Variants in ITGA11 observed in about 807,000 individuals in gnomAD.
The protein encoded by ITGA11 is integrin alpha-11.
Under a neutral mutation model 141.9 loss-of-function variants are expected in ITGA11, and 97 were observed. That is an observed-to-expected ratio of 0.68 (90% confidence interval 0.58 to 0.81). The LOEUF (loss-of-function observed/expected upper bound fraction) is 0.81. Among genes scored for constraint, ITGA11 ranks in the 30% least tolerant of loss-of-function variants. The pLI is 0.00. For synonymous variants in ITGA11, 658 were observed against 624.6 expected (o/e 1.05, Z -0.80); for missense variants, 1,387 against 1,559.2 (o/e 0.89, Z 1.86).
chr15:68,374,756 G>T (rs1423553941), intron 2 of ITGA11, among the ~76,000 whole-genome samples: 1 of 152,242 alleles, frequency 6.6e-6, no homozygotes, highest in African/African-American at 2.4e-5. Flanking sequence ...CCAGAGGCTG[G>T]CATGGACTGC....
chr15:68,367,775 C>T (rs1374317104), intron 3 of ITGA11, among the ~76,000 whole-genome samples: 1 of 152,162 alleles, frequency 6.6e-6, no homozygotes, highest in Admixed American at 6.5e-5. Flanking sequence ...TCGAGTCCAG[C>T]CTCCTTGCTT....
chr15:68,375,208 G>T (rs755865404), intron 2 of ITGA11, among the ~76,000 whole-genome samples: 3 of 152,068 alleles, frequency 2.0e-5, no homozygotes, highest in Non-Finnish European at 2.9e-5. Context: ...CACAGCCCCC[G>T]CTCCCTTAAA....
intron 24 of ITGA11, among the ~76,000 whole-genome samples, chr15:68,311,657 G>T (rs569309922): frequency 6.6e-6 from 1 of 152,304 alleles, no homozygotes; most frequent in Non-Finnish European, 1.5e-5. Context: ...AGTCAGTGGG[G>T]ATCCTGAGGC....
At chr15:68,311,711 G>T (rs1026340296) in intron 24 of ITGA11, among the ~76,000 whole-genome samples, 2 of 152,188 alleles carry the variant, frequency 1.3e-5, no homozygotes, top group African/African-American at 4.8e-5. Flanking sequence ...TCTTGCCTGG[G>T]GTGGGGATTT....
Position 68,385,024 on chromosome 15 carries a change from G to A in ITGA11, c.165-15740C>T, listed in dbSNP as rs757137439. On this transcript the variant is annotated intron_variant, in intron 2 of 29. Coordinates refer to ENST00000315757, the MANE Select transcript of ITGA11 (RefSeq NM_001004439.2). ...TTCTCCAGGGCATAGGCCAGTGTAG[G>A]GAACTCACTCATTCAGCCTCTGCCC... is the stretch of plus-strand genomic sequence containing the variant. Among the ~76,000 whole-genome samples, 71 of 152,334 alleles carry A rather than the reference G, an allele frequency of 4.7e-4. 1 individual carries two copies. The highest frequency in any genetic ancestry group is 6.8e-3 in the Middle Eastern group (2 of 294).
chr15:68,350,750 A>T lies in ITGA11; in HGVS notation c.927T>A (p.Asn309Lys), dbSNP rs751979854. 24 of 1,613,808 alleles carry T rather than the reference A, an allele frequency of 1.5e-5. No homozygotes were observed. The highest frequency in any genetic ancestry group is 2.0e-5 in the Non-Finnish European group (24 of 1,179,818). ...TGATTTCATTTAGAAAAGTTTCTGGATTGATCCCCCTGCGGTTGTAGTAGC... is the reference window on the plus strand; with the variant it reads ...TGATTTCATTTAGAAAAGTTTCTGGTTTGATCCCCCTGCGGTTGTAGTAGC... ...VLGYYNRRGI[N>K]PETFLNEIKY... Residue 309 changes from asparagine to lysine, a missense_variant, in exon 9 of 30, where the codon AAT becomes AAA. Physicochemically the swap from Asn to Lys is moderately conservative, Grantham distance 94. Transcript: ENST00000315757.
chr15:68,362,005 A>G (rs759582931), intron 4 of ITGA11: 4 of 271,418 alleles, frequency 1.5e-5, no homozygotes, highest in South Asian at 8.3e-5. Context: ...CTACCTGCCC[A>G]CCCCACTCAC....
chr15:68,316,769 G>T (rs1181985973), intron 21 of ITGA11, among the ~76,000 whole-genome samples: 1 of 152,192 alleles, frequency 6.6e-6, no homozygotes, highest in Non-Finnish European at 1.5e-5. Context: ...GCTGCCTGCT[G>T]CCCAGGGCTG....
chr15:68,350,813 C>T, intron 8 of ITGA11, 31 bp from the exon 9 acceptor site: 1 of 1,596,296 alleles, frequency 6.3e-7, no homozygotes, highest in Non-Finnish European at 8.5e-7. Flanking sequence ...GAACCACAAA[C>T]CAGAACATAG....
intron 1 of ITGA11, among the ~76,000 whole-genome samples, chr15:68,411,270 T>C (rs2140424223): frequency 6.6e-6 from 1 of 152,260 alleles, no homozygotes; most frequent in South Asian, 2.1e-4. Context: ...TGAGTTAAAG[T>C]AGAAATTTCA....
Position 68,348,999 on chromosome 15 carries a change from C to T in ITGA11, c.1061-99G>A, listed in dbSNP as rs76247799. The T allele has an allele frequency of 2.3e-3, 2,452 of 1,048,296 alleles. 51 individuals carry two copies. The East Asian group carries it at 0.05, about 21-fold the overall frequency. 64.9% of individuals were successfully genotyped at this position (1,048,296 alleles called of 1,614,324 possible). ...CACAGCTCCTGCTTCCTGGGGGCAT[C>T]GTCAGGAGGTGGGGCTCTCTTTCGA... On this transcript the variant is annotated intron_variant, in intron 9 of 29. Transcript: ENST00000315757.
rs376522259 is a variant in ITGA11 at position 68,320,347 on chromosome 15, G to A, written c.2454C>T (p.Ser818=). The A allele has an allele frequency of 1.5e-5, 24 of 1,610,892 alleles. No individual in the cohort carries two copies. The highest frequency in any genetic ancestry group is 1.6e-4 in the Middle Eastern group (1 of 6,080). The change falls in exon 20 of 30, where the codon TCC becomes TCT. Residue 818 remains serine, a synonymous_variant. Transcript: ENST00000315757. The part of the protein sequence containing the change: ...RVLRKPAQDC[S]AYTLSFDTTV... ...TGGTGTCGAAGGACAGCGTGTATGCGGAGCAGTCCTGCGCAGGCTTCCTCA... is the reference window on the plus strand; with the variant it reads ...TGGTGTCGAAGGACAGCGTGTATGCAGAGCAGTCCTGCGCAGGCTTCCTCA...
At chr15:68,390,520 T>TG (rs1339593627) in intron 2 of ITGA11, among the ~76,000 whole-genome samples, 3 of 152,088 alleles carry the variant, frequency 2.0e-5, no homozygotes, top group Non-Finnish European at 4.4e-5. Flanking sequence ...TAGAGTCCCC[T>TG]GGGAAACTCT....
intron 3 of ITGA11, chr15:68,365,041 C>A: frequency 1.5e-6 from 1 of 683,234 alleles, no homozygotes; most frequent in Non-Finnish European, 1.8e-6. Flanking sequence ...ACACAGTGAG[C>A]ACTCACCGAG....
Position 68,307,244 on chromosome 15 carries a change from A to T in ITGA11, c.3381+104T>A, listed in dbSNP as rs1445082799. 38 of 769,152 alleles carry T rather than the reference A, an allele frequency of 4.9e-5. No individual in the cohort carries two copies. Among genetic ancestry groups the T allele is most frequent in the Non-Finnish European group, 2.1e-5 (10 of 469,544 alleles). The allele number at this position is 769,152 out of a possible 1,614,324, so 47.6% of individuals were successfully genotyped here. On this transcript the variant is annotated intron_variant, in intron 28 of 29. Transcript: ENST00000315757. This position sits in a 1 kb window ranked among gnomAD's most constrained non-coding sequence, Gnocchi z 6.1. ...GTCTGCCTGATTCTCTCCTGCTGGG[A>T]CATGCAGCCAGGGGTTGTAGGAAAA...
At chr15:68,391,226 C>T (rs1896113361) in intron 2 of ITGA11, among the ~76,000 whole-genome samples, 1 of 152,158 alleles carries the variant, frequency 6.6e-6, no homozygotes, top group Non-Finnish European at 1.5e-5. Flanking sequence ...AGGCCACCCT[C>T]TCTGTTTCTC....
chr15:68,313,907 C>T, intron 22 of ITGA11, 39 bp from the exon 23 acceptor site: 2 of 1,521,844 alleles, frequency 1.3e-6, no homozygotes, highest in Non-Finnish European at 1.8e-6. Context: ...GGAAGGGGCT[C>T]AGCCAGCACA....
At chr15:68,365,429 G>T in intron 3 of ITGA11, 1 of 681,696 alleles carries the variant, frequency 1.5e-6, no homozygotes, top group Non-Finnish European at 1.8e-6. Flanking sequence ...TAGGGAGAGG[G>T]TCAGCTCTGC....
At chr15:68,354,170 T>G (rs1385816230) in intron 7 of ITGA11, among the ~76,000 whole-genome samples, 2 of 135,334 alleles carry the variant, frequency 1.5e-5, no homozygotes, top group Non-Finnish European at 3.1e-5. Context: ...TATGCTGTTA[T>G]TTATTTATTT....
Sources: allele counts gnomAD v4.1 joint callset (sites outside exome capture counted in the v4.1 genomes callset), GRCh38; gene constraint gnomAD v4.1.1; non-coding constraint Gnocchi (gnomAD v3.1); transcripts MANE v1.5; gene names NCBI Gene and HGNC (gene_info 2026-07-23, HGNC 2026-07-21).